The following RHBDL2 variants were observed in gnomAD, a reference collection of about 807,000 sequenced individuals.
RHBDL2 encodes the protein rhomboid-related protein 2.
In RHBDL2, 26 loss-of-function variants were observed where a neutral mutation model predicts 31.7. That is an observed-to-expected ratio of 0.82 (90% CI 0.60 to 1.14). The LOEUF is 1.14. Among genes scored for constraint, RHBDL2 ranks in the 50% most tolerant of loss-of-function variants. The pLI is 0.00. For synonymous variants in RHBDL2, 123 were observed against 127.2 expected (o/e 0.97, Z 0.22); for missense variants, 336 against 364.4 (o/e 0.92, Z 0.63).
At chr1:38,910,177 T>G (rs1016018387) in intron 4 of RHBDL2, among the ~76,000 whole-genome samples, 5 of 152,158 alleles carry the variant, frequency 3.3e-5, no homozygotes, top group Admixed American at 3.3e-4. Flanking sequence ...AACAGGTTAG[T>G]GGTTGCCAGA....
intron 3 of RHBDL2, among the ~76,000 whole-genome samples, chr1:38,912,908 ATATGTGTG>A (rs1450855431): frequency 5.4e-4 from 19 of 35,320 alleles, no homozygotes; most frequent in South Asian, 1.9e-3. Context: ...ATATATATAT[ATATGTGTG>A]TGTGTGTGTG....
chr1:38,919,570 T>C (rs72660010), intron 1 of RHBDL2, among the ~76,000 whole-genome samples: 10,004 of 151,562 alleles, frequency 0.066, 378 homozygotes, highest in South Asian at 0.14. Context: ...TAACATAAAA[T>C]TTACCATTTT....
chr1:38,894,698 TTTTTTTTTC>T (rs1473872635), intron 5 of RHBDL2, among the ~76,000 whole-genome samples: 5 of 68,202 alleles, frequency 7.3e-5, no homozygotes, highest in South Asian at 3.9e-4. Flanking sequence ...CTTTTTTTTC[TTTTTTTTTC>T]TTTTTTTTTT....
chr1:38,886,483 T>C lies in RHBDL2; in HGVS notation c.*21A>G. The C allele has an allele frequency of 4.1e-6, 6 of 1,477,278 alleles. No homozygotes were observed. The highest frequency in any genetic ancestry group is 1.4e-5 in the African/African-American group (1 of 70,884). 91.5% of individuals were successfully genotyped at this position (1,477,278 alleles called of 1,614,324 possible). ...TCCTCCAGATGGCTCTTTTTATTAA[T>C]TGACTTACAATAGGGGCAGGTCAGT... On this transcript the variant is annotated 3_prime_UTR_variant, in exon 8 of 8. Coordinates refer to ENST00000372990, the MANE Select transcript of RHBDL2 (RefSeq NM_017821.5).
intron 1 of RHBDL2, among the ~76,000 whole-genome samples, chr1:38,936,394 T>C (rs1643512359): frequency 6.6e-6 from 1 of 151,952 alleles, no homozygotes; most frequent in African/African-American, 2.4e-5. Context: ...CTCCAACCTC[T>C]GTCTCCCAGG....
At chr1:38,903,274 G>A (rs1017448755) in intron 4 of RHBDL2, among the ~76,000 whole-genome samples, 2 of 151,520 alleles carry the variant, frequency 1.3e-5, no homozygotes, top group African/African-American at 4.9e-5. Flanking sequence ...CAAGTAGCTG[G>A]GATTACAGGC....
intron 1 of RHBDL2, among the ~76,000 whole-genome samples, chr1:38,925,171 C>T (rs1643360973): frequency 6.6e-6 from 1 of 152,102 alleles, no homozygotes; most frequent in South Asian, 2.1e-4. Flanking sequence ...TAATGCACTA[C>T]ATACCACATA....
chr1:38,928,129 AT>A (rs1480006213), intron 1 of RHBDL2, among the ~76,000 whole-genome samples: 1 of 148,922 alleles, frequency 6.7e-6, no homozygotes, highest in Admixed American at 6.7e-5. Flanking sequence ...TAAAATGTAA[AT>A]TTTTTTCTTT....
rs574079856 is a variant in RHBDL2 at position 38,935,424 on chromosome 1, T to C, written c.-126+6258A>G. On this transcript the variant is annotated intron_variant, in intron 1 of 7. Coordinates refer to ENST00000372990, the MANE Select transcript of RHBDL2 (RefSeq NM_017821.5). ...TTCAAAGGTGTCTGAATTCAAATTC[T>C]GATTTCACCACTTGACACCTCTGTG... 2.6e-5 allele frequency among the ~76,000 whole-genome samples: 4 copies of C among 152,370 alleles called. No homozygotes were observed. In the East Asian group the frequency reaches 7.7e-4, roughly 29 times the overall value.
At chr1:38,919,598 T>C (rs1008139102) in intron 1 of RHBDL2, among the ~76,000 whole-genome samples, 1 of 151,384 alleles carries the variant, frequency 6.6e-6, no homozygotes, top group Non-Finnish European at 1.5e-5. Flanking sequence ...TAATATATAA[T>C]ATATATTTTT....
At position 38,886,400 on chromosome 1, in the gene RHBDL2, T is replaced by C; in HGVS notation, c.*104A>G. ...TGCTGTTTTGTCCTCTATATAAAAT[T>C]GTTAGCCTTTTCTGAGACTTCTCTG... On this transcript the variant is annotated 3_prime_UTR_variant, in exon 8 of 8. Transcript: ENST00000372990. 1 of 844,840 alleles carries C rather than the reference T, an allele frequency of 1.2e-6. No individual in the cohort carries two copies. Among genetic ancestry groups the C allele is most frequent in the Non-Finnish European group, 1.7e-6 (1 of 577,202 alleles). 52.3% of individuals were successfully genotyped at this position (844,840 alleles called of 1,614,324 possible).
intron 7 of RHBDL2, among the ~76,000 whole-genome samples, chr1:38,887,442 T>G (rs1309688883): frequency 6.6e-6 from 1 of 151,314 alleles, no homozygotes; most frequent in East Asian, 1.9e-4. Flanking sequence ...TTTTTGTTTT[T>G]TTGAGACAGA....
At chr1:38,897,653 T>C (rs1014566498) in intron 4 of RHBDL2, among the ~76,000 whole-genome samples, 1 of 152,188 alleles carries the variant, frequency 6.6e-6, no homozygotes, top group East Asian at 1.9e-4. Context: ...AGTTTGAGGC[T>C]GCAGTGAGCT....
chr1:38,922,656 T>C (rs1480837421), intron 1 of RHBDL2, among the ~76,000 whole-genome samples: 1 of 142,008 alleles, frequency 7.0e-6, no homozygotes, highest in Non-Finnish European at 1.5e-5. Context: ...CTCTGATTTA[T>C]CTTATCTCCA....
At chr1:38,936,748 C>T (rs1643515955) in intron 1 of RHBDL2, among the ~76,000 whole-genome samples, 1 of 151,582 alleles carries the variant, frequency 6.6e-6, no homozygotes, top group African/African-American at 2.4e-5. Flanking sequence ...GATCCACCCA[C>T]CTCAGCCTCC....
intron 4 of RHBDL2, among the ~76,000 whole-genome samples, chr1:38,902,596 A>G (rs1643007236): frequency 6.6e-6 from 1 of 151,166 alleles, no homozygotes. Context: ...ATTTTTTTGT[A>G]TTTTTAATAG....
chr1:38,937,082 A>C (rs564440520), intron 1 of RHBDL2, among the ~76,000 whole-genome samples: 1 of 151,702 alleles, frequency 6.6e-6, no homozygotes, highest in East Asian at 2.0e-4. Context: ...CAAGTAGCTG[A>C]GACTACAGGC....
At chr1:38,916,156 C>T (rs1643232785) in intron 2 of RHBDL2, among the ~76,000 whole-genome samples, 2 of 152,120 alleles carry the variant, frequency 1.3e-5, no homozygotes, top group Admixed American at 1.3e-4. Flanking sequence ...CCTGGCAAAC[C>T]CTGCCTTAAC....
intron 1 of RHBDL2, among the ~76,000 whole-genome samples, chr1:38,928,812 G>A (rs548452924): frequency 8.5e-5 from 13 of 152,248 alleles, no homozygotes; most frequent in African/African-American, 2.9e-4. Flanking sequence ...TGTAATCCTA[G>A]CACTTTGAGA....
Sources: allele counts gnomAD v4.1 joint callset (sites outside exome capture counted in the v4.1 genomes callset), GRCh38; gene constraint gnomAD v4.1.1; transcripts MANE v1.5; gene names NCBI Gene and HGNC (gene_info 2026-07-23, HGNC 2026-07-21).